Variants in TSNARE1 observed in about 807,000 individuals in gnomAD.
TSNARE1 encodes the protein t-SNARE domain containing 1.
In TSNARE1, 49 loss-of-function variants were observed where a neutral mutation model predicts 62.0. The ratio of observed to expected loss-of-function variants is 0.79; its 90% confidence interval spans 0.63 to 1.00. The LOEUF is 1.00. TSNARE1 is among the 50% of genes least tolerant of loss of function. The pLI, the probability that TSNARE1 is intolerant of heterozygous loss-of-function variation, is 0.00. For synonymous variants in TSNARE1, 328 were observed against 294.4 expected, an observed-to-expected ratio of 1.11 and a Z score of -1.17; for missense variants, 755 against 700.1, an observed-to-expected ratio of 1.08 and a Z score of -0.88.
chr8:142,285,222 G>T (rs985678544), intron 10 of TSNARE1, among the ~76,000 whole-genome samples: 18 of 139,194 alleles, frequency 1.3e-4, no homozygotes, highest in Non-Finnish European at 1.7e-4. Context: ...ACAGATGAAT[G>T]GGTGGATGGA....
At chr8:142,337,942 G>A (rs566056037) in intron 4 of TSNARE1, among the ~76,000 whole-genome samples, 72 of 152,294 alleles carry the variant, frequency 4.7e-4, no homozygotes, top group African/African-American at 1.6e-3. Context: ...GACTCTGGCC[G>A]GGGACCTAAG....
At chr8:142,353,579 C>G (rs1834385810) in intron 2 of TSNARE1, among the ~76,000 whole-genome samples, 1 of 152,212 alleles carries the variant, frequency 6.6e-6, no homozygotes, top group Admixed American at 6.5e-5. Context: ...CTGAGGCAGG[C>G]AGCCGCCCTC....
chr8:142,309,768 C>T (rs935385703), intron 9 of TSNARE1, among the ~76,000 whole-genome samples: 1 of 152,166 alleles, frequency 6.6e-6, no homozygotes, highest in South Asian at 2.1e-4. Context: ...ATGAGGCAGG[C>T]AAGGTGTGCT....
intron 1 of TSNARE1, among the ~76,000 whole-genome samples, chr8:142,386,671 C>G (rs983123244): frequency 4.6e-4 from 70 of 152,278 alleles, no homozygotes; most frequent in African/African-American, 1.6e-3. Flanking sequence ...CAAGCAGATA[C>G]AAACTCAAGA....
chr8:142,222,853 CACTCATCCACTCACTCATTCACTT>C (rs1563756147), intron 13 of TSNARE1, among the ~76,000 whole-genome samples: 5 of 138,662 alleles, frequency 3.6e-5, no homozygotes, highest in African/African-American at 8.2e-5. Flanking sequence ...TTCATCCACT[CACTCATCCACTCACTCATTCACTT>C]ACTCATCCAC....
chr8:142,264,509 G>A (rs889864616), intron 12 of TSNARE1, among the ~76,000 whole-genome samples: 3 of 152,116 alleles, frequency 2.0e-5, no homozygotes, highest in Admixed American at 6.6e-5. Context: ...CTAAAACAAC[G>A]TGCTGAAACC....
intron 13 of TSNARE1, among the ~76,000 whole-genome samples, chr8:142,222,670 A>T (rs1816415052): frequency 7.2e-6 from 1 of 138,792 alleles, no homozygotes; most frequent in Non-Finnish European, 1.5e-5. Context: ...TCACTCACTC[A>T]CTCATCCACT....
At chr8:142,304,229 G>T (rs573079564) in intron 9 of TSNARE1, among the ~76,000 whole-genome samples, 2 of 152,252 alleles carry the variant, frequency 1.3e-5, no homozygotes. Flanking sequence ...AGTGCCTGGC[G>T]GTGGGAGCCC....
chr8:142,393,368 C>CA (rs1837680742), intron 1 of TSNARE1, among the ~76,000 whole-genome samples: 1 of 152,184 alleles, frequency 6.6e-6, no homozygotes, highest in Admixed American at 6.5e-5. Flanking sequence ...TTCGCTGAAA[C>CA]GGGCACCGAC....
chr8:142,382,980 G>A (rs1470056736), intron 1 of TSNARE1, among the ~76,000 whole-genome samples: 1 of 152,172 alleles, frequency 6.6e-6, no homozygotes, highest in Admixed American at 6.5e-5. Flanking sequence ...GCAGGGTCTG[G>A]GGGGAAAGGA....
chr8:142,298,954 C>T (rs1320253405), intron 10 of TSNARE1, among the ~76,000 whole-genome samples: 3 of 152,216 alleles, frequency 2.0e-5, no homozygotes, highest in Admixed American at 6.5e-5. Flanking sequence ...CTCTGTGCTT[C>T]GGGTGGTTCT....
chr8:142,309,586 T>C (rs974263503), intron 9 of TSNARE1, among the ~76,000 whole-genome samples: 5 of 152,212 alleles, frequency 3.3e-5, no homozygotes, highest in Non-Finnish European at 4.4e-5. Context: ...AAATCAATCC[T>C]GCATCCCTAC....
At chr8:142,322,653 G>A (rs1829634086) in intron 6 of TSNARE1, among the ~76,000 whole-genome samples, 1 of 152,250 alleles carries the variant, frequency 6.6e-6, no homozygotes, top group African/African-American at 2.4e-5. Flanking sequence ...ACAAATAAGA[G>A]AAAGGCCAGC....
chr8:142,313,547 CTGTT>C (rs559611218), intron 9 of TSNARE1, among the ~76,000 whole-genome samples: 116 of 152,044 alleles, frequency 7.6e-4, no homozygotes, highest in African/African-American at 2.7e-3. Context: ...GTCTGCATGT[CTGTT>C]TACCTGCATG....
At chr8:142,391,415 G>C (rs112163937) in intron 1 of TSNARE1, among the ~76,000 whole-genome samples, 2 of 148,462 alleles carry the variant, frequency 1.3e-5, no homozygotes, top group Non-Finnish European at 3.0e-5. Flanking sequence ...TGGGGACTCT[G>C]TAACAGACGC....
At chr8:142,401,889 G>A (rs1838319027) in intron 1 of TSNARE1, among the ~76,000 whole-genome samples, 1 of 152,170 alleles carries the variant, frequency 6.6e-6, no homozygotes, top group South Asian at 2.1e-4. Flanking sequence ...GTTCAGTCGG[G>A]GGAAGCACTC....
chr8:142,314,967 G>A, intron 8 of TSNARE1, 36 bp downstream of exon 8: 1 of 1,604,856 alleles, frequency 6.2e-7, no homozygotes, highest in Non-Finnish European at 8.5e-7. Context: ...ACCCCACCTG[G>A]CCTGCAGACC....
intron 12 of TSNARE1, chr8:142,269,528 T>A (rs1819337524): frequency 1.0e-6 from 1 of 985,014 alleles, no homozygotes; most frequent in Non-Finnish European, 1.2e-6. Context: ...AAGGTTTTGC[T>A]ATGCTGTCCA....
At chr8:142,280,594 C>G (rs1168188572) in intron 11 of TSNARE1, among the ~76,000 whole-genome samples, 1 of 152,214 alleles carries the variant, frequency 6.6e-6, no homozygotes, top group African/African-American at 2.4e-5. Context: ...TCCCCCTCCC[C>G]ACGACTGCTC....
Sources: gnomAD v4.1 joint callset for allele counts (sites outside exome capture counted in the v4.1 genomes callset) on GRCh38, gnomAD v4.1.1 for gene constraint, MANE v1.5 for transcripts, NCBI Gene and HGNC (gene_info 2026-07-23, HGNC 2026-07-21) for gene names.